The following SAMD4A variants were observed in gnomAD, a reference collection of about 807,000 sequenced individuals.
SAMD4A encodes protein Smaug homolog 1.
Under a neutral mutation model 81.3 loss-of-function variants are expected in SAMD4A, and 33 were observed. The ratio of observed to expected loss-of-function variants is 0.41; its 90% CI spans 0.31 to 0.54. The LOEUF (loss-of-function observed/expected upper bound fraction) is 0.54. Among genes scored for constraint, SAMD4A ranks in the 20% least tolerant of loss-of-function variants. The probability of loss-of-function intolerance (pLI) is 0.37; values close to 1 mark genes in which losing one functional copy is unlikely to be tolerated. For synonymous variants in SAMD4A, 389 were observed against 382.1 expected (o/e 1.02, Z -0.21); for missense variants, 854 against 951.1 (o/e 0.90, Z 1.34).
intron 5 of SAMD4A, among the ~76,000 whole-genome samples, chr14:54,750,273 C>A (rs904182236): frequency 9.2e-5 from 14 of 152,124 alleles, no homozygotes; most frequent in African/African-American, 3.4e-4. Flanking sequence ...AAATATACCC[C>A]CAGTGTTTCA....
At chr14:54,781,549 C>A (rs2038998792) in intron 11 of SAMD4A, among the ~76,000 whole-genome samples, 1 of 152,252 alleles carries the variant, frequency 6.6e-6, no homozygotes, top group Non-Finnish European at 1.5e-5. Flanking sequence ...GAGATGCCAT[C>A]TGAGCTGAAG....
At chr14:54,753,331 G>C (rs1439259740) in intron 6 of SAMD4A, among the ~76,000 whole-genome samples, 1 of 137,118 alleles carries the variant, frequency 7.3e-6, no homozygotes, top group South Asian at 2.4e-4. Context: ...ATTGAGACTA[G>C]AGAATGGCGA....
intron 3 of SAMD4A, among the ~76,000 whole-genome samples, chr14:54,710,817 C>T (rs547895020): frequency 1.8e-4 from 27 of 152,308 alleles, no homozygotes; most frequent in African/African-American, 5.5e-4. Flanking sequence ...ACTGTGAGCT[C>T]CTTGGGGATA....
At chr14:54,662,971 A>T (rs1178804513) in intron 2 of SAMD4A, among the ~76,000 whole-genome samples, 1 of 152,190 alleles carries the variant, frequency 6.6e-6, no homozygotes, top group Non-Finnish European at 1.5e-5. Flanking sequence ...GCAGACGTAC[A>T]GCCTTTGTTG....
rs1229524026 is a variant in SAMD4A at position 54,772,822 on chromosome 14, C to CAA, written c.1716-2110_1716-2109dup. Among the ~76,000 whole-genome samples, 5 of 130,820 alleles carry CAA rather than the reference C, an allele frequency of 3.8e-5. No homozygotes were observed. In the Admixed American group the frequency reaches 4.1e-4, roughly 11 times the overall value. 85.8% of individuals were successfully genotyped at this position (130,820 alleles called of 152,430 possible). A position where few individuals can be genotyped will look rare whatever the true frequency, so the allele number is the denominator to read the frequency against. The stretch of plus-strand genomic sequence containing the variant: ...ACTAGTTTTCGTCATTAAAAACAAA[C>CAA]AAACAAAAAAAAAAAACACTCGGCC... On this transcript the variant is annotated intron_variant, in intron 9 of 12. Transcript: ENST00000554335.
At chr14:54,673,161 ATTC>A (rs1019369180) in intron 2 of SAMD4A, among the ~76,000 whole-genome samples, 3 of 152,212 alleles carry the variant, frequency 2.0e-5, no homozygotes, top group African/African-American at 7.2e-5. Context: ...CTTGGAAACT[ATTC>A]TTTATCCATC....
chr14:54,629,173 C>T (rs880120), intron 2 of SAMD4A, among the ~76,000 whole-genome samples: 18,953 of 152,022 alleles, frequency 0.12, 1,372 homozygotes, highest in Middle Eastern at 0.21. Context: ...ATCACAGAGG[C>T]AGAGATTAGA....
At chr14:54,637,137 G>A (rs912706597) in intron 2 of SAMD4A, among the ~76,000 whole-genome samples, 1 of 151,904 alleles carries the variant, frequency 6.6e-6, no homozygotes, top group Admixed American at 6.6e-5. Context: ...AGCAGAGGTG[G>A]GTGGATCACC....
intron 2 of SAMD4A, among the ~76,000 whole-genome samples, chr14:54,695,836 C>A (rs11621149): frequency 0.34 from 50,801 of 151,356 alleles, 10,055 homozygotes; most frequent in Non-Finnish European, 0.44. Flanking sequence ...GCCTGTAATC[C>A]CAGCTACTTG....
intron 2 of SAMD4A, among the ~76,000 whole-genome samples, chr14:54,628,493 G>A (rs975950505): frequency 6.6e-6 from 1 of 152,112 alleles, no homozygotes; most frequent in Admixed American, 6.5e-5. Flanking sequence ...AGACTATTGG[G>A]GAAGCAGCTA....
At chr14:54,646,635 A>G (rs1229889237) in intron 2 of SAMD4A, among the ~76,000 whole-genome samples, 1 of 152,262 alleles carries the variant, frequency 6.6e-6, no homozygotes, top group African/African-American at 2.4e-5. Context: ...TCTGAATTTC[A>G]GCTACTGGAG....
At chr14:54,570,892 T>G (rs1474245697) in intron 2 of SAMD4A, among the ~76,000 whole-genome samples, 1 of 152,226 alleles carries the variant, frequency 6.6e-6, no homozygotes. Context: ...TGCTGAGATT[T>G]CCTGTACCGA....
At chr14:54,596,204 G>C (rs999729452) in intron 2 of SAMD4A, among the ~76,000 whole-genome samples, 1 of 152,180 alleles carries the variant, frequency 6.6e-6, no homozygotes, top group Non-Finnish European at 1.5e-5. Context: ...AAAGATGTAG[G>C]CAGGATTCAG....
intron 2 of SAMD4A, among the ~76,000 whole-genome samples, chr14:54,668,004 C>A (rs2035792532): frequency 6.6e-6 from 1 of 152,198 alleles, no homozygotes; most frequent in Non-Finnish European, 1.5e-5. Flanking sequence ...CACCCCGGCC[C>A]TCCCGCAGGC....
chr14:54,776,405 T>C lies in SAMD4A; in HGVS notation c.1918-9T>C, dbSNP rs752814540. On this transcript the variant is annotated splice_polypyrimidine_tract_variant and intron_variant, in intron 10 of 12. Coordinates refer to ENST00000554335, the MANE Select transcript of SAMD4A (RefSeq NM_015589.6). The stretch of plus-strand genomic sequence containing the variant: ...AACTAACAAGTTCCCCTTTTGCTTT[T>C]CTCACCAGAACCTGTGGTTTGCCAA... 8.8e-6 allele frequency: 14 copies of C among 1,586,706 alleles called. No individual in the cohort carries two copies. Among genetic ancestry groups the C allele is most frequent in the Non-Finnish European group, 1.2e-5 (14 of 1,168,412 alleles).
intron 2 of SAMD4A, among the ~76,000 whole-genome samples, chr14:54,666,927 G>A (rs2035770848): frequency 6.6e-6 from 1 of 152,254 alleles, no homozygotes; most frequent in East Asian, 1.9e-4. Context: ...TTTAAGAAAA[G>A]TTAAATAAGT....
intron 2 of SAMD4A, among the ~76,000 whole-genome samples, chr14:54,643,571 GA>G (rs2035220398): frequency 6.6e-6 from 1 of 152,186 alleles, no homozygotes; most frequent in Non-Finnish European, 1.5e-5. Flanking sequence ...AAATATCCTG[GA>G]AATGCCTCAA....
At chr14:54,692,091 C>T (rs1046430000) in intron 2 of SAMD4A, among the ~76,000 whole-genome samples, 3 of 152,210 alleles carry the variant, frequency 2.0e-5, no homozygotes, top group Non-Finnish European at 4.4e-5. Context: ...TTCACACTTA[C>T]ACTTTGGATC....
At chr14:54,614,226 T>C (rs1052885025) in intron 2 of SAMD4A, among the ~76,000 whole-genome samples, 1 of 152,226 alleles carries the variant, frequency 6.6e-6, no homozygotes, top group African/African-American at 2.4e-5. Flanking sequence ...AAAGATAATT[T>C]TTTTCATAAA....
Sources: allele counts gnomAD v4.1 joint callset (sites outside exome capture counted in the v4.1 genomes callset), GRCh38; gene constraint gnomAD v4.1.1; transcripts MANE v1.5; gene names NCBI Gene and HGNC (gene_info 2026-07-23, HGNC 2026-07-21).